The following KCND2 variants were observed in gnomAD, a reference collection of about 807,000 sequenced individuals.
The protein encoded by KCND2 is A-type voltage-gated potassium channel KCND2.
A neutral mutation model predicts 54.4 loss-of-function variants in KCND2; 16 were observed. That is an observed-to-expected ratio of 0.29 (90% CI 0.20 to 0.45). The LOEUF (loss-of-function observed/expected upper bound fraction) is 0.45. Ranked by LOEUF, KCND2 falls within the 20% of genes least tolerant of loss-of-function variation. The probability of loss-of-function intolerance (pLI) is 1.00; values close to 1 mark genes in which losing one functional copy is unlikely to be tolerated. For missense variants in KCND2, 486 were observed against 824.2 expected (o/e 0.59, Z 5.02); for synonymous variants, 317 against 310.7 (o/e 1.02, Z -0.21).
At chr7:120,673,907 T>TA (rs1226950549) in intron 1 of KCND2, among the ~76,000 whole-genome samples, 8 of 145,666 alleles carry the variant, frequency 5.5e-5, no homozygotes, top group African/African-American at 2.1e-4. Context: ...CCTCTTTTAT[T>TA]TATTTTTTTT....
chr7:120,556,762 A>G (rs1411071585), intron 1 of KCND2, among the ~76,000 whole-genome samples: 2 of 152,188 alleles, frequency 1.3e-5, no homozygotes, highest in African/African-American at 2.4e-5. Context: ...CCTGCAAATG[A>G]CCTAGACTTA....
At chr7:120,660,679 T>A (rs1294107987) in intron 1 of KCND2, among the ~76,000 whole-genome samples, 2 of 152,218 alleles carry the variant, frequency 1.3e-5, no homozygotes, top group African/African-American at 4.8e-5. Context: ...TAGTATAAAG[T>A]CATTAAAGAT....
chr7:120,668,878 A>G (rs909431832), intron 1 of KCND2, among the ~76,000 whole-genome samples: 1 of 152,018 alleles, frequency 6.6e-6, no homozygotes, highest in Admixed American at 6.6e-5. Flanking sequence ...CTTTCACTAC[A>G]TTAGCATTTT....
chr7:120,386,106 T>C lies in KCND2; in HGVS notation c.1115+110359T>C, dbSNP rs148788668. On this transcript the variant is annotated intron_variant, in intron 1 of 5. Coordinates refer to ENST00000331113, the MANE Select transcript of KCND2 (RefSeq NM_012281.3). ...TGATACAGCCATTGAAATGCAGGTT[T>C]GATGATAGGGCAGACAAAAGTCAGA... is the stretch of plus-strand genomic sequence containing the variant. 3.9e-5 allele frequency among the ~76,000 whole-genome samples: 6 copies of C among 152,278 alleles called. No individual in the cohort carries two copies. In the East Asian group the frequency reaches 1.2e-3, roughly 29 times the overall value.
At chr7:120,383,985 C>G (rs998548429) in intron 1 of KCND2, among the ~76,000 whole-genome samples, 1 of 151,922 alleles carries the variant, frequency 6.6e-6, no homozygotes, top group Admixed American at 6.6e-5. Context: ...CCTTGTTATC[C>G]AGGAGAGATT....
chr7:120,340,472 A>C (rs2116364785), intron 1 of KCND2, among the ~76,000 whole-genome samples: 2 of 152,298 alleles, frequency 1.3e-5, no homozygotes, highest in Middle Eastern at 3.4e-3. Context: ...AGGAAACGAA[A>C]ACTTCAGTTT....
rs918170618 is a variant in KCND2 at position 120,372,403 on chromosome 7, A to G, written c.1115+96656A>G. The stretch of plus-strand genomic sequence containing the variant: ...CTCATAAACGGTTTCAAAATTTAAT[A>G]TTACAGCTGTTAGTTCACTGGGCAA... On this transcript the variant is annotated intron_variant, in intron 1 of 5. Transcript: ENST00000331113. Among the ~76,000 whole-genome samples the G allele has an allele frequency of 2.6e-5, 4 of 151,840 alleles. No individual in the cohort carries two copies. In the South Asian group the frequency reaches 6.2e-4, roughly 24 times the overall value.
intron 1 of KCND2, among the ~76,000 whole-genome samples, chr7:120,598,309 C>T (rs889762544): frequency 5.9e-5 from 9 of 152,044 alleles, no homozygotes; most frequent in Non-Finnish European, 1.0e-4. Context: ...AAATATATTA[C>T]TGCTCAATGT....
intron 1 of KCND2, among the ~76,000 whole-genome samples, chr7:120,498,200 G>T (rs958876940): frequency 2.6e-5 from 4 of 152,138 alleles, no homozygotes; most frequent in African/African-American, 9.7e-5. Context: ...GTATATTAAG[G>T]CCAGGGGCAG....
chr7:120,584,979 A>C (rs191316394), intron 1 of KCND2, among the ~76,000 whole-genome samples: 1 of 152,198 alleles, frequency 6.6e-6, no homozygotes, highest in Admixed American at 6.5e-5. Context: ...TAGAAGAGTG[A>C]CTTTTTCCAA....
chr7:120,483,734 G>C (rs1411921431), intron 1 of KCND2, among the ~76,000 whole-genome samples: 1 of 152,128 alleles, frequency 6.6e-6, no homozygotes, highest in African/African-American at 2.4e-5. Context: ...TTGAAAATTA[G>C]AAAGATACTG....
In KCND2 at chr7:120,657,780, C is replaced by T. The variant is rs143716601; in HGVS notation, c.1116-75123C>T. 9.7e-3 allele frequency among the ~76,000 whole-genome samples: 1,470 copies of T among 151,862 alleles called. 72 individuals are homozygous for T. Among genetic ancestry groups the T allele is most frequent in the Admixed American group, 0.085 (1,296 of 15,246 alleles). On this transcript the variant is annotated intron_variant, in intron 1 of 5. Coordinates refer to ENST00000331113, the MANE Select transcript of KCND2 (RefSeq NM_012281.3). ...TGAGATTCGCTTGAGCCCAGGAGGTCGAGGCTGCAGTGAGTTATCATCACA... is the reference window on the plus strand; with the variant it reads ...TGAGATTCGCTTGAGCCCAGGAGGTTGAGGCTGCAGTGAGTTATCATCACA...
At chr7:120,672,339 T>C (rs1041080552) in intron 1 of KCND2, among the ~76,000 whole-genome samples, 6 of 152,104 alleles carry the variant, frequency 3.9e-5, no homozygotes, top group Non-Finnish European at 1.5e-5. Flanking sequence ...CCACTCTCAC[T>C]ACAATTATCA....
intron 1 of KCND2, among the ~76,000 whole-genome samples, chr7:120,277,243 G>A (rs117855115): frequency 6.6e-6 from 1 of 152,182 alleles, no homozygotes; most frequent in East Asian, 1.9e-4. Flanking sequence ...GAAAATCCAT[G>A]TTCTACTTCT....
intron 1 of KCND2, among the ~76,000 whole-genome samples, chr7:120,348,940 C>T (rs1800362566): frequency 6.6e-6 from 1 of 152,110 alleles, no homozygotes; most frequent in Non-Finnish European, 1.5e-5. Context: ...ACATAAGTAG[C>T]TTACCTAGGG....
intron 1 of KCND2, among the ~76,000 whole-genome samples, chr7:120,451,074 A>G (rs1402078710): frequency 6.6e-6 from 1 of 152,110 alleles, no homozygotes; most frequent in Admixed American, 6.5e-5. Flanking sequence ...CAAGCAAAGC[A>G]TCACCTACCC....
intron 1 of KCND2, among the ~76,000 whole-genome samples, chr7:120,677,223 G>C (rs1792072389): frequency 6.6e-6 from 1 of 151,476 alleles, no homozygotes; most frequent in African/African-American, 2.4e-5. Context: ...AATAGAGACA[G>C]TGCTACCAAA....
chr7:120,647,770 A>G (rs1179721668), intron 1 of KCND2, among the ~76,000 whole-genome samples: 1 of 152,232 alleles, frequency 6.6e-6, no homozygotes, highest in Non-Finnish European at 1.5e-5. Context: ...TCTGAATATA[A>G]GTATGCAGGC....
rs867597618 is a variant in KCND2, at chr7:120,299,364, C to T, written c.1115+23617C>T. On this transcript the variant is annotated intron_variant, in intron 1 of 5. Coordinates refer to ENST00000331113, the MANE Select transcript of KCND2 (RefSeq NM_012281.3). Reference sequence around the variant, plus strand: ...GAGACTTATTGTTACCAGATTTTCACCATTCTTTTGTGTGAGTGTGTGTGT... The same window carrying T: ...GAGACTTATTGTTACCAGATTTTCATCATTCTTTTGTGTGAGTGTGTGTGT... Among the ~76,000 whole-genome samples, 23 of 152,106 alleles carry T rather than the reference C, an allele frequency of 1.5e-4. No individual in the cohort carries two copies. The Middle Eastern group carries it at 0.01, about 67-fold the overall frequency.
Sources: allele counts gnomAD v4.1 joint callset (sites outside exome capture counted in the v4.1 genomes callset), GRCh38; gene constraint gnomAD v4.1.1; transcripts MANE v1.5; gene names NCBI Gene and HGNC (gene_info 2026-07-23, HGNC 2026-07-21).